The following PLCL2 variants were observed in gnomAD, a reference collection of about 807,000 sequenced individuals.
PLCL2 encodes inactive phospholipase C-like protein 2.
PLCL2 carries 4 observed loss-of-function variants against 79.6 expected under a neutral mutation model. The ratio of observed to expected loss-of-function variants is 0.05; its 90% confidence interval spans 0.02 to 0.11. The LOEUF is 0.11. Among genes scored for constraint, PLCL2 ranks in the 10% least tolerant of loss-of-function variants. The pLI, the probability that PLCL2 is intolerant of heterozygous loss-of-function variation, is 1.00. For missense variants in PLCL2, 895 were observed against 1,291.0 expected (o/e 0.69, Z 4.70); for synonymous variants, 484 against 457.7 (o/e 1.06, Z -0.73).
chr3:16,962,882 G>A (rs1334182556), intron 1 of PLCL2, among the ~76,000 whole-genome samples: 2 of 152,012 alleles, frequency 1.3e-5, no homozygotes, highest in Non-Finnish European at 2.9e-5. Context: ...ACATACATAT[G>A]TACATACACA....
At chr3:16,926,631 C>CA (rs1024119134) in intron 1 of PLCL2, among the ~76,000 whole-genome samples, 1 of 151,742 alleles carries the variant, frequency 6.6e-6, no homozygotes, top group Non-Finnish European at 1.5e-5. Context: ...CATTTATAAT[C>CA]AAAACCTTTT....
intron 1 of PLCL2, among the ~76,000 whole-genome samples, chr3:16,964,875 T>C (rs1431189634): frequency 6.6e-6 from 1 of 152,192 alleles, no homozygotes; most frequent in Non-Finnish European, 1.5e-5. Flanking sequence ...TTGTTTGTTT[T>C]TTTCTTGTAA....
chr3:16,992,669 A>G (rs995569648), intron 1 of PLCL2, among the ~76,000 whole-genome samples: 1 of 152,176 alleles, frequency 6.6e-6, no homozygotes, highest in Non-Finnish European at 1.5e-5. Context: ...AGGTGGCCAC[A>G]TTGTCCTCCC....
rs1010670032 is a variant in PLCL2 at position 16,914,800 on chromosome 3, G to A, written c.327+29434G>A. Reference sequence around the variant, plus strand: ...CACCCAGGCTGGAGTGCAGTGGCATGAACATAGCAGCCTCAGCCTCCTAGA... The same window carrying A: ...CACCCAGGCTGGAGTGCAGTGGCATAAACATAGCAGCCTCAGCCTCCTAGA... On this transcript the variant is annotated intron_variant, in intron 1 of 5. Coordinates refer to ENST00000615277, the MANE Select transcript of PLCL2 (RefSeq NM_001144382.2). 2.6e-5 allele frequency among the ~76,000 whole-genome samples: 4 copies of A among 152,170 alleles called. No individual in the cohort carries two copies. The South Asian group carries it at 8.3e-4, about 32-fold the overall frequency.
chr3:17,006,566 A>G (rs2064262142), intron 1 of PLCL2, among the ~76,000 whole-genome samples: 1 of 152,202 alleles, frequency 6.6e-6, no homozygotes, highest in Admixed American at 6.5e-5. Context: ...AGGAAGGAGA[A>G]GCAGATTCAG....
intron 1 of PLCL2, among the ~76,000 whole-genome samples, chr3:16,975,800 A>G (rs796615711): frequency 6.6e-6 from 1 of 152,142 alleles, no homozygotes; most frequent in South Asian, 2.1e-4. Flanking sequence ...GGCATAATTC[A>G]TCCTGAGTGC....
intron 4 of PLCL2, among the ~76,000 whole-genome samples, chr3:17,064,058 C>T (rs1176053529): frequency 6.6e-6 from 1 of 152,288 alleles, no homozygotes; most frequent in South Asian, 2.1e-4. Context: ...AAGAGAAGGA[C>T]TTTTTCGTTG....
chr3:17,046,110 A>G lies in PLCL2; in HGVS notation c.3094+3161A>G, dbSNP rs79584051. 2.2e-3 allele frequency among the ~76,000 whole-genome samples: 330 copies of G among 152,304 alleles called. 1 individual carries two copies. The highest frequency in any genetic ancestry group is 7.7e-3 in the African/African-American group (320 of 41,568). On this transcript the variant is annotated intron_variant, in intron 4 of 5. Coordinates refer to ENST00000615277, the MANE Select transcript of PLCL2 (RefSeq NM_001144382.2). ...CATGGGAGTGAGAAGTGATGTGGCC[A>G]TGCAAGAATGGGTCTCTATAATTCA...
At chr3:17,078,017 A>G (rs1248891475) in intron 5 of PLCL2, among the ~76,000 whole-genome samples, 1 of 152,016 alleles carries the variant, frequency 6.6e-6, no homozygotes, top group Non-Finnish European at 1.5e-5. Flanking sequence ...TCTGTTCTTT[A>G]CCATATCCTC....
intron 4 of PLCL2, among the ~76,000 whole-genome samples, chr3:17,043,381 GA>G (rs1328654791): frequency 6.6e-6 from 1 of 152,138 alleles, no homozygotes; most frequent in Non-Finnish European, 1.5e-5. Flanking sequence ...ACAACCTCCT[GA>G]CACTTTTTAG....
rs768783450 is a variant in PLCL2, at chr3:16,944,763, T to G, written c.327+59397T>G. 2.0e-5 allele frequency among the ~76,000 whole-genome samples: 3 copies of G among 151,916 alleles called. No individual in the cohort carries two copies. In the East Asian group the frequency reaches 5.8e-4, roughly 29 times the overall value. ...TAAAAATGTATTGTACTCCGGGTTT[T>G]TTTTTTTTTTATTTGAGACAGAGTC... On this transcript the variant is annotated intron_variant, in intron 1 of 5. Transcript: ENST00000615277.
At position 17,089,718 on chromosome 3, in the gene PLCL2, C is replaced by T. The variant is rs9822682; in HGVS notation, c.3205-15C>T. 3 of 1,475,644 alleles carry T rather than the reference C, an allele frequency of 2.0e-6. No individual in the cohort carries two copies. The African/African-American group carries it at 4.2e-5, about 21-fold the overall frequency. The allele number at this position is 1,475,644 out of a possible 1,614,324, so 91.4% of individuals were successfully genotyped here. A position where few individuals can be genotyped will look rare whatever the true frequency, so the allele number is the denominator to read the frequency against. On this transcript the variant is annotated splice_polypyrimidine_tract_variant and intron_variant, in intron 5 of 5. Transcript: ENST00000615277. ...TGTCATATCTAATACTGTTTAATTGCATGTTTTGTTATAGGGACAAGCAGA... is the reference window on the plus strand; with the variant it reads ...TGTCATATCTAATACTGTTTAATTGTATGTTTTGTTATAGGGACAAGCAGA...
At chr3:17,051,721 C>G (rs1168770147) in intron 4 of PLCL2, among the ~76,000 whole-genome samples, 1 of 152,144 alleles carries the variant, frequency 6.6e-6, no homozygotes, top group South Asian at 2.1e-4. Context: ...AGATAAACAC[C>G]AGCTGCCAGT....
At chr3:17,030,545 C>T (rs1269276150) in intron 3 of PLCL2, among the ~76,000 whole-genome samples, 1 of 152,160 alleles carries the variant, frequency 6.6e-6, no homozygotes, top group African/African-American at 2.4e-5. Context: ...GGTAAGTTCT[C>T]CCATCATCTT....
At chr3:17,020,788 A>G (rs1389173602) in intron 3 of PLCL2, among the ~76,000 whole-genome samples, 2 of 152,228 alleles carry the variant, frequency 1.3e-5, no homozygotes, top group African/African-American at 4.8e-5. Flanking sequence ...AAGGTTATTT[A>G]AATAAAATAT....
At chr3:17,066,261 T>A (rs1388699804) in intron 4 of PLCL2, among the ~76,000 whole-genome samples, 1 of 152,198 alleles carries the variant, frequency 6.6e-6, no homozygotes, top group Non-Finnish European at 1.5e-5. Flanking sequence ...GAATGAATCT[T>A]ACTAGTTACT....
chr3:16,939,027 T>A (rs1697611435), intron 1 of PLCL2, among the ~76,000 whole-genome samples: 1 of 152,330 alleles, frequency 6.6e-6, no homozygotes, highest in Admixed American at 6.5e-5. Flanking sequence ...AATATAGAGA[T>A]TCCTAGAAAT....
chr3:16,979,960 C>T lies in PLCL2; in HGVS notation c.328-29714C>T, dbSNP rs567376078. Among the ~76,000 whole-genome samples the T allele has an allele frequency of 2.2e-3, 325 of 144,974 alleles. 3 individuals are homozygous for T. The highest frequency in any genetic ancestry group is 7.2e-3 in the Middle Eastern group (2 of 276). The stretch of plus-strand genomic sequence containing the variant: ...CTCCCAGACAGGGCGGCTGGCCGGA[C>T]GGGGGGCTGACCCCCCCAACCTCCC... On this transcript the variant is annotated intron_variant, in intron 1 of 5. Coordinates refer to ENST00000615277, the MANE Select transcript of PLCL2 (RefSeq NM_001144382.2).
At chr3:16,963,648 C>G (rs1199308138) in intron 1 of PLCL2, among the ~76,000 whole-genome samples, 1 of 152,116 alleles carries the variant, frequency 6.6e-6, no homozygotes. Flanking sequence ...CCAGCATATA[C>G]TCATAAAAGT....
Sources: gnomAD v4.1 joint callset for allele counts (sites outside exome capture counted in the v4.1 genomes callset) on GRCh38, gnomAD v4.1.1 for gene constraint, MANE v1.5 for transcripts, NCBI Gene and HGNC (gene_info 2026-07-23, HGNC 2026-07-21) for gene names.